SNTG2: variants seen among roughly 807,000 people sequenced by gnomAD.
SNTG2 encodes syntrophin gamma 2, also known as gamma-2-syntrophin.
A neutral mutation model predicts 70.9 loss-of-function variants in SNTG2; 74 were observed. That is an observed-to-expected ratio of 1.04 (90% CI 0.86 to 1.27). SNTG2 has a LOEUF of 1.27. Ranked by LOEUF, SNTG2 falls within the 50% of genes most tolerant of loss-of-function variation. SNTG2 has a pLI of 0.00. For synonymous variants in SNTG2, 278 were observed against 273.8 expected (o/e 1.02, Z -0.15); for missense variants, 717 against 690.7 (o/e 1.04, Z -0.43).
chr2:1,154,929 CAT>C (rs1004470009), intron 6 of SNTG2, among the ~76,000 whole-genome samples: 1 of 142,952 alleles, frequency 7.0e-6, no homozygotes, highest in Non-Finnish European at 1.5e-5. Flanking sequence ...AACACAAAAA[CAT>C]ACACACCACA....
At chr2:1,149,921 C>CT (rs1286088397) in intron 6 of SNTG2, among the ~76,000 whole-genome samples, 1 of 152,046 alleles carries the variant, frequency 6.6e-6, no homozygotes, top group African/African-American at 2.4e-5. Flanking sequence ...ATCTCCTGAC[C>CT]TTGTGATCCA....
chr2:1,093,202 T>C (rs563161692), intron 2 of SNTG2, among the ~76,000 whole-genome samples: 1 of 152,196 alleles, frequency 6.6e-6, no homozygotes, highest in South Asian at 2.1e-4. Context: ...CGCACCTGCT[T>C]GTGGGTCCTT....
chr2:1,134,473 TCC>T, intron 4 of SNTG2, among the ~76,000 whole-genome samples: 1 of 134,144 alleles, frequency 7.5e-6, no homozygotes, highest in African/African-American at 2.5e-5. Flanking sequence ...TCTCCAAGTC[TCC>T]ATCAGGTAGC....
At chr2:971,876 T>G (rs1244087733) in intron 1 of SNTG2, among the ~76,000 whole-genome samples, 1 of 152,156 alleles carries the variant, frequency 6.6e-6, no homozygotes, top group African/African-American at 2.4e-5. Flanking sequence ...CTCATTAGTT[T>G]CAAATAATTT....
At chr2:1,256,970 T>G (rs1014294176) in intron 12 of SNTG2, among the ~76,000 whole-genome samples, 2 of 152,084 alleles carry the variant, frequency 1.3e-5, no homozygotes, top group Non-Finnish European at 2.9e-5. Flanking sequence ...CTTCTTTTTT[T>G]TTTTTAATTA....
intron 1 of SNTG2, among the ~76,000 whole-genome samples, chr2:1,026,324 C>T (rs751723891): frequency 5.3e-5 from 8 of 152,240 alleles, no homozygotes; most frequent in Non-Finnish European, 1.0e-4. Context: ...CTGAAGAACA[C>T]GCAGGGGAGA....
intron 6 of SNTG2, among the ~76,000 whole-genome samples, chr2:1,155,354 C>T (rs1669819382): frequency 1.3e-5 from 2 of 152,204 alleles, no homozygotes; most frequent in Middle Eastern, 3.4e-3. Context: ...ACACACACCA[C>T]ACACACATGT....
intron 1 of SNTG2, among the ~76,000 whole-genome samples, chr2:1,062,056 A>G (rs180729451): frequency 9.2e-5 from 14 of 152,344 alleles, no homozygotes; most frequent in Admixed American, 7.8e-4. Flanking sequence ...AATAACAAAC[A>G]TGAGTGTAAT....
chr2:1,152,127 T>C (rs1378217193), intron 6 of SNTG2, among the ~76,000 whole-genome samples: 1 of 152,218 alleles, frequency 6.6e-6, no homozygotes, highest in Non-Finnish European at 1.5e-5. Context: ...ATCATCAATG[T>C]GCTGACTCCT....
intron 1 of SNTG2, among the ~76,000 whole-genome samples, chr2:1,060,342 T>C (rs1662729667): frequency 6.6e-6 from 1 of 152,224 alleles, no homozygotes; most frequent in Non-Finnish European, 1.5e-5. Flanking sequence ...TATGTAGGTA[T>C]TAATACACGT....
At chr2:1,075,094 T>C (rs1178679867) in intron 1 of SNTG2, among the ~76,000 whole-genome samples, 2 of 152,184 alleles carry the variant, frequency 1.3e-5, no homozygotes, top group East Asian at 1.9e-4. Flanking sequence ...CCAAGAATAA[T>C]GCACATAAAA....
At chr2:1,162,539 G>A (rs1004715493) in intron 6 of SNTG2, among the ~76,000 whole-genome samples, 2 of 152,126 alleles carry the variant, frequency 1.3e-5, no homozygotes, top group Admixed American at 6.5e-5. Context: ...TCACTTGCTG[G>A]GAGGTGGCTG....
chr2:1,001,597 T>G (rs925801167), intron 1 of SNTG2, among the ~76,000 whole-genome samples: 1 of 151,886 alleles, frequency 6.6e-6, no homozygotes, highest in Non-Finnish European at 1.5e-5. Context: ...TATGAAGCAC[T>G]GATGAAAGAA....
chr2:1,040,915 T>C (rs1209168621), intron 1 of SNTG2, among the ~76,000 whole-genome samples: 1 of 152,234 alleles, frequency 6.6e-6, no homozygotes, highest in East Asian at 1.9e-4. Context: ...GTTTGCTTCA[T>C]GTTCAGTTTG....
intron 1 of SNTG2, among the ~76,000 whole-genome samples, chr2:990,173 C>G (rs964915052): frequency 2.6e-5 from 4 of 152,272 alleles, no homozygotes; most frequent in African/African-American, 9.6e-5. Context: ...TGGGTTCTCA[C>G]TGCCATCAGA....
rs1029173265 is a variant in SNTG2 at position 1,074,972 on chromosome 2, C to T, written c.73-8546C>T. On this transcript the variant is annotated intron_variant, in intron 1 of 16. Transcript: ENST00000308624. ...ATTATTATTTCACTGCGATGTTGGT[C>T]CAAGAATCAGATTTTATCATTTTAA... 4.6e-5 allele frequency among the ~76,000 whole-genome samples: 7 copies of T among 152,014 alleles called. 1 individual carries two copies. The highest frequency in any genetic ancestry group is 4.6e-4 in the Admixed American group (7 of 15,266).
intron 9 of SNTG2, among the ~76,000 whole-genome samples, chr2:1,225,824 G>A (rs1675736554): frequency 6.6e-6 from 1 of 152,208 alleles, no homozygotes; most frequent in South Asian, 2.1e-4. Flanking sequence ...GTGACACCAG[G>A]TCTTTCTCAT....
chr2:1,187,124 A>G (rs1240631268), intron 8 of SNTG2, among the ~76,000 whole-genome samples: 1 of 152,232 alleles, frequency 6.6e-6, no homozygotes, highest in East Asian at 1.9e-4. Context: ...ACATTTGAAT[A>G]CATAATTAAT....
At chr2:1,328,723 G>A (rs748266948) in intron 16 of SNTG2, among the ~76,000 whole-genome samples, 9 of 152,084 alleles carry the variant, frequency 5.9e-5, no homozygotes, top group Non-Finnish European at 1.0e-4. Flanking sequence ...GGTTAGCAGG[G>A]GTTTAAGAAA....
Sources: gnomAD v4.1 joint callset for allele counts (sites outside exome capture counted in the v4.1 genomes callset) on GRCh38, gnomAD v4.1.1 for gene constraint, MANE v1.5 for transcripts, NCBI Gene and HGNC (gene_info 2026-07-23, HGNC 2026-07-21) for gene names.